Variants in KPNA6 observed in about 807,000 individuals in gnomAD.
KPNA6 encodes the protein importin subunit alpha-7.
In KPNA6, 9 loss-of-function variants were observed where a neutral mutation model predicts 72.0. The observed-to-expected ratio is 0.13, with a 90% CI of 0.08 to 0.22. The LOEUF is 0.22. KPNA6 is among the 10% of genes least tolerant of loss of function. KPNA6 has a pLI of 1.00. For synonymous variants in KPNA6, 219 were observed against 242.1 expected (o/e 0.90, Z 0.89); for missense variants, 374 against 655.7 (o/e 0.57, Z 4.69).
In KPNA6 at chr1:32,170,738, C is replaced by T. The variant is rs1642420903; in HGVS notation, c.1455C>T (p.His485=). ...GLDKIEFLQS[H]ENQEIYQKAF... ...ATAAAATTGAGTTTCTCCAGAGCCACGAGAACCAGGAGATCTACCAGAAGG... is the reference window on the plus strand; with the variant it reads ...ATAAAATTGAGTTTCTCCAGAGCCATGAGAACCAGGAGATCTACCAGAAGG... Residue 485 remains histidine, a synonymous_variant, in exon 14 of 14, where the codon CAC becomes CAT. Transcript: ENST00000373625. The T allele has an allele frequency of 1.9e-6, 3 of 1,614,092 alleles. No homozygotes were observed. Among genetic ancestry groups the T allele is most frequent in the Non-Finnish European group, 2.5e-6 (3 of 1,179,988 alleles).
In KPNA6 at chr1:32,160,713, T is replaced by C; in HGVS notation, c.647+10T>C. On this transcript the variant is annotated intron_variant, in intron 7 of 13. Coordinates refer to ENST00000373625, the MANE Select transcript of KPNA6 (RefSeq NM_012316.5). ...TTAATCCTTTGTTAACGTGAGTAAT[T>C]ATAATCATCTGTACCTGGGCGTCTA... 1 of 1,605,698 alleles carries C rather than the reference T, an allele frequency of 6.2e-7. No homozygotes were observed. The highest frequency in any genetic ancestry group is 8.5e-7 in the Non-Finnish European group (1 of 1,172,370).
At chr1:32,164,556 GTTTTTTGT>G (rs1373801991) in intron 10 of KPNA6, among the ~76,000 whole-genome samples, 1 of 145,608 alleles carries the variant, frequency 6.9e-6, no homozygotes, top group East Asian at 2.1e-4. Context: ...TCCGTTTTTT[GTTTTTTGT>G]TTTTTTTTTG....
intron 1 of KPNA6, among the ~76,000 whole-genome samples, chr1:32,126,877 T>C (rs193058576): frequency 2.0e-4 from 30 of 152,174 alleles, no homozygotes; most frequent in African/African-American, 7.0e-4. Context: ...GAACTGAGTG[T>C]TGGAAGGAAA....
At chr1:32,133,491 G>A (rs1641676217) in intron 1 of KPNA6, among the ~76,000 whole-genome samples, 1 of 128,660 alleles carries the variant, frequency 7.8e-6, no homozygotes, top group Admixed American at 9.8e-5. Context: ...ACCAGCCTAG[G>A]CAACATCACA....
At position 32,174,450 on chromosome 1, in the gene KPNA6, C is replaced by A. The variant is rs1360556362; in HGVS notation, c.*3556C>A. 1.3e-5 allele frequency: 2 copies of A among 152,150 alleles called. No individual in the cohort carries two copies. The highest frequency in any genetic ancestry group is 2.9e-5 in the Non-Finnish European group (2 of 68,048). 9.4% of individuals were successfully genotyped at this position (152,150 alleles called of 1,614,324 possible). A position where few individuals can be genotyped will look rare whatever the true frequency, so the allele number is the denominator to read the frequency against. On this transcript the variant is annotated 3_prime_UTR_variant, in exon 14 of 14. Transcript: ENST00000373625. The stretch of plus-strand genomic sequence containing the variant: ...CCATTTCTTCATGTCTACCTGCCTT[C>A]CCCCCACACCCTAAAGTTGTACTTG...
chr1:32,167,612 T>C (rs1454893401), intron 12 of KPNA6, among the ~76,000 whole-genome samples: 2 of 152,128 alleles, frequency 1.3e-5, no homozygotes, highest in African/African-American at 4.8e-5. Flanking sequence ...CTGAAATCTA[T>C]GTAGTTCTCA....
rs987879653 is a variant in KPNA6, at chr1:32,171,884, A to G, written c.*990A>G. ...TGGTCCTTCCTTTCTCCTGAGGAGA[A>G]AGTCCTTGCTCTGGTGACCTGTAAG... On this transcript the variant is annotated 3_prime_UTR_variant, in exon 14 of 14. Coordinates refer to ENST00000373625, the MANE Select transcript of KPNA6 (RefSeq NM_012316.5). 1 of 152,136 alleles carries G rather than the reference A, an allele frequency of 6.6e-6. No individual in the cohort carries two copies. Among genetic ancestry groups the G allele is most frequent in the Admixed American group, 6.5e-5 (1 of 15,272 alleles). 9.4% of individuals were successfully genotyped at this position (152,136 alleles called of 1,614,324 possible). A position where few individuals can be genotyped will look rare whatever the true frequency, so the allele number is the denominator to read the frequency against.
intron 11 of KPNA6, among the ~76,000 whole-genome samples, chr1:32,166,561 G>GT (rs1443118660): frequency 4.8e-5 from 7 of 147,032 alleles, no homozygotes; most frequent in African/African-American, 1.8e-4. Context: ...AGAGGCAAAG[G>GT]TTGCAGTGAG....
chr1:32,145,859 T>C (rs888607484), intron 1 of KPNA6, among the ~76,000 whole-genome samples: 4 of 152,218 alleles, frequency 2.6e-5, no homozygotes, highest in East Asian at 3.8e-4. Flanking sequence ...TCAGGACATA[T>C]GAGTCTTCCG....
chr1:32,149,567 C>T (rs771844393), intron 1 of KPNA6, among the ~76,000 whole-genome samples: 7 of 152,058 alleles, frequency 4.6e-5, no homozygotes, highest in Admixed American at 6.6e-5. Context: ...GCCATGCTTC[C>T]CTGTTTTTGT....
intron 1 of KPNA6, among the ~76,000 whole-genome samples, chr1:32,118,213 C>T (rs1003269872): frequency 6.6e-6 from 1 of 152,070 alleles, no homozygotes; most frequent in Non-Finnish European, 1.5e-5. Flanking sequence ...CGTGAGCCAC[C>T]GTGCCCAGCC....
At chr1:32,155,110 C>CAAAAAAAAAAAAAAA (rs144040035) in intron 2 of KPNA6, among the ~76,000 whole-genome samples, 1 of 54,228 alleles carries the variant, frequency 1.8e-5, no homozygotes, top group African/African-American at 7.6e-5. Context: ...AACTCCATCT[C>CAAAAAAAAAAAAAAA]AAAAAAAAAA....
intron 1 of KPNA6, among the ~76,000 whole-genome samples, chr1:32,110,056 ATTTT>A (rs750004100): frequency 8.5e-6 from 1 of 118,306 alleles, no homozygotes; most frequent in African/African-American, 3.3e-5. Flanking sequence ...CTGGAATTGA[ATTTT>A]TTTTTTTTTT....
At chr1:32,119,032 A>ATATATATATATATTT (rs1167325052) in intron 1 of KPNA6, among the ~76,000 whole-genome samples, 1 of 40,274 alleles carries the variant, frequency 2.5e-5, no homozygotes, top group Non-Finnish European at 4.1e-5. Flanking sequence ...ATATATATAT[A>ATATATATATATATTT]TTTTTTTTTT....
chr1:32,115,652 T>C (rs922594792), intron 1 of KPNA6, among the ~76,000 whole-genome samples: 1 of 152,106 alleles, frequency 6.6e-6, no homozygotes, highest in Non-Finnish European at 1.5e-5. Context: ...CTTCAAGTCC[T>C]GTCCTCAAGT....
rs543556529 is a variant in KPNA6, at chr1:32,171,073, C to T, written c.*179C>T. 8.3e-6 allele frequency: 5 copies of T among 601,650 alleles called. No individual in the cohort carries two copies. In the African/African-American group the frequency reaches 9.3e-5, roughly 11 times the overall value. The allele number at this position is 601,650 out of a possible 1,614,324, so 37.3% of individuals were successfully genotyped here. A position where few individuals can be genotyped will look rare whatever the true frequency, so the allele number is the denominator to read the frequency against. On this transcript the variant is annotated 3_prime_UTR_variant, in exon 14 of 14. Coordinates refer to ENST00000373625, the MANE Select transcript of KPNA6 (RefSeq NM_012316.5). ...CTGGAGGGAGCACCCTCTGGACAGA[C>T]AGAACCATCTGAGGCTCACCTTTGG...
At chr1:32,143,548 G>A (rs536106315) in intron 1 of KPNA6, among the ~76,000 whole-genome samples, 88 of 147,622 alleles carry the variant, frequency 6.0e-4, no homozygotes, top group Non-Finnish European at 1.1e-3. Context: ...ACTCCAGCCC[G>A]GGTGACAGAG....
rs1322906021 is a variant in KPNA6, at chr1:32,171,057, G to A, written c.*163G>A. 6.4e-6 allele frequency: 4 copies of A among 628,498 alleles called. No individual in the cohort carries two copies. In the East Asian group the frequency reaches 1.1e-4, roughly 17 times the overall value. The allele number at this position is 628,498 out of a possible 1,614,324, so 38.9% of individuals were successfully genotyped here. A position where few individuals can be genotyped will look rare whatever the true frequency, so the allele number is the denominator to read the frequency against. On this transcript the variant is annotated 3_prime_UTR_variant, in exon 14 of 14. Coordinates refer to ENST00000373625, the MANE Select transcript of KPNA6 (RefSeq NM_012316.5). ...TGCTCCGCCCCCTTCCCTGGAGGGAGCACCCTCTGGACAGACAGAACCATC... is the reference window on the plus strand; with the variant it reads ...TGCTCCGCCCCCTTCCCTGGAGGGAACACCCTCTGGACAGACAGAACCATC...
intron 1 of KPNA6, among the ~76,000 whole-genome samples, chr1:32,149,254 ATGTAT>A (rs1270570125): frequency 2.6e-5 from 4 of 151,562 alleles, no homozygotes; most frequent in Non-Finnish European, 5.9e-5. Flanking sequence ...CATTTTATTC[ATGTAT>A]TGTGTTTCAG....
Sources: gnomAD v4.1 joint callset for allele counts (sites outside exome capture counted in the v4.1 genomes callset) on GRCh38, gnomAD v4.1.1 for gene constraint, MANE v1.5 for transcripts, NCBI Gene and HGNC (gene_info 2026-07-23, HGNC 2026-07-21) for gene names.